Variants in CORIN observed in about 807,000 individuals in gnomAD.
The protein encoded by CORIN is corin, serine peptidase, also known as atrial natriuretic peptide-converting enzyme.
Under a neutral mutation model 125.3 loss-of-function variants are expected in CORIN, and 117 were observed. The ratio of observed to expected loss-of-function variants is 0.93; its 90% CI spans 0.80 to 1.09. The LOEUF is 1.09. CORIN is among the 50% of genes least tolerant of loss of function. CORIN has a pLI of 0.00. For synonymous variants in CORIN, 450 were observed against 466.4 expected (o/e 0.96, Z 0.45); for missense variants, 1,253 against 1,306.7 (o/e 0.96, Z 0.63).
In CORIN at chr4:47,642,824, G is replaced by T. The variant is rs61759688; in HGVS notation, c.2068+322C>A. ...AGCAGGTAGAGGTGACAAAAGAATG[G>T]CAGACTATCATTAAATTTATTGAAG... On this transcript the variant is annotated intron_variant, in intron 15 of 21. Transcript: ENST00000273857. The T allele has an allele frequency of 5.6e-3, 8,072 of 1,447,834 alleles. 46 individuals are homozygous for T. The highest frequency in any genetic ancestry group is 9.7e-3 in the Admixed American group (354 of 36,594). 89.7% of individuals were successfully genotyped at this position (1,447,834 alleles called of 1,614,324 possible).
chr4:47,819,529 G>A (rs1380308962), intron 1 of CORIN, among the ~76,000 whole-genome samples: 1 of 152,106 alleles, frequency 6.6e-6, no homozygotes, highest in Non-Finnish European at 1.5e-5. Flanking sequence ...GAGTAATAAA[G>A]GCTAATATGA....
chr4:47,653,679 C>G lies in CORIN; in HGVS notation c.1736-19G>C. ...GAGCATTCTATTAAAAACAATATTA[C>G]TGTTAAAGGGCTGAAAACCCAGAAA... On this transcript the variant is annotated intron_variant, in intron 12 of 21. Coordinates refer to ENST00000273857, the MANE Select transcript of CORIN (RefSeq NM_006587.4). 6.3e-7 allele frequency: 1 copy of G among 1,593,742 alleles called. No individual in the cohort carries two copies. Among genetic ancestry groups the G allele is most frequent in the Non-Finnish European group, 8.6e-7 (1 of 1,162,346 alleles).
intron 3 of CORIN, among the ~76,000 whole-genome samples, chr4:47,780,707 A>C (rs914781615): frequency 2.6e-5 from 4 of 152,142 alleles, no homozygotes; most frequent in Non-Finnish European, 4.4e-5. Context: ...GTCTGATATA[A>C]CTATTTTGGA....
intron 16 of CORIN, among the ~76,000 whole-genome samples, chr4:47,641,062 C>T (rs1481297209): frequency 1.1e-4 from 17 of 152,086 alleles, no homozygotes; most frequent in Admixed American, 3.3e-4. Context: ...GAAATGGACT[C>T]AAGATGGTGG....
intron 5 of CORIN, among the ~76,000 whole-genome samples, chr4:47,705,824 C>T (rs1046273587): frequency 6.6e-6 from 1 of 151,180 alleles, no homozygotes; most frequent in African/African-American, 2.5e-5. Context: ...GCACACGGCC[C>T]GTAAAATATT....
At chr4:47,616,367 C>G (rs1359190818) in intron 19 of CORIN, among the ~76,000 whole-genome samples, 1 of 151,390 alleles carries the variant, frequency 6.6e-6, no homozygotes, top group Non-Finnish European at 1.5e-5. Context: ...GTATATAAAC[C>G]ATGTGATGAG....
chr4:47,674,569 T>C, intron 9 of CORIN, 69 bp from the exon 10 acceptor site: 1 of 935,138 alleles, frequency 1.1e-6, no homozygotes, highest in East Asian at 2.4e-5. Flanking sequence ...ATCTAAAAGA[T>C]CAGGAATGTC....
chr4:47,681,302 T>TGGGCAGGAACCAGAA (rs1198544903), intron 7 of CORIN: 3 of 152,238 alleles, frequency 2.0e-5, no homozygotes, highest in African/African-American at 7.2e-5. Flanking sequence ...AAGAAGTGCT[T>TGGGCAGGAACCAGAA]GGGCAGGAAC....
chr4:47,806,888 A>G lies in CORIN; in HGVS notation c.208+15T>C. 1 of 1,601,708 alleles carries G rather than the reference A, an allele frequency of 6.2e-7. No individual in the cohort carries two copies. The highest frequency in any genetic ancestry group is 1.1e-5 in the South Asian group (1 of 88,690). The stretch of plus-strand genomic sequence containing the variant: ...CACTTTAACTTCATTTTTATTTAAT[A>G]ATGGCCTCACCCACCAACATAGGAA... On this transcript the variant is annotated intron_variant, in intron 2 of 21. Coordinates refer to ENST00000273857, the MANE Select transcript of CORIN (RefSeq NM_006587.4).
At chr4:47,604,841 TAGTC>T (rs1313546505) in intron 19 of CORIN, among the ~76,000 whole-genome samples, 3 of 152,218 alleles carry the variant, frequency 2.0e-5, no homozygotes, top group African/African-American at 4.8e-5. Flanking sequence ...TCCTCTATAT[TAGTC>T]AGAGCAATAT....
rs552179293 is a variant in CORIN, at chr4:47,781,514, G to A, written c.409+5211C>T. ...TGTAAATGTTCTGAGCACATTTAAGGTGAAGGCTAAGCTAAGCTACAATGT... is the reference window on the plus strand; with the variant it reads ...TGTAAATGTTCTGAGCACATTTAAGATGAAGGCTAAGCTAAGCTACAATGT... On this transcript the variant is annotated intron_variant, in intron 3 of 21. Coordinates refer to ENST00000273857, the MANE Select transcript of CORIN (RefSeq NM_006587.4). Among the ~76,000 whole-genome samples, 4 of 152,270 alleles carry A rather than the reference G, an allele frequency of 2.6e-5. No individual in the cohort carries two copies. In the East Asian group the frequency reaches 7.7e-4, roughly 29 times the overall value.
intron 3 of CORIN, among the ~76,000 whole-genome samples, chr4:47,784,146 T>C (rs1730677927): frequency 6.6e-6 from 1 of 152,146 alleles, no homozygotes; most frequent in Admixed American, 6.5e-5. Context: ...CAGTTAATTA[T>C]AAGGATCACA....
chr4:47,723,788 A>G (rs1205252650), intron 5 of CORIN, among the ~76,000 whole-genome samples: 1 of 151,998 alleles, frequency 6.6e-6, no homozygotes, highest in Admixed American at 6.5e-5. Context: ...CAAGGTCAGG[A>G]AATCGAGACC....
chr4:47,665,378 A>C, intron 10 of CORIN, 115 bp from the exon 11 acceptor site: 1 of 709,448 alleles, frequency 1.4e-6, no homozygotes, highest in Non-Finnish European at 2.3e-6. Flanking sequence ...CTAAGACTAG[A>C]ATGCCAGTAG....
At chr4:47,642,539 C>T (rs917713947) in intron 15 of CORIN, among the ~76,000 whole-genome samples, 5 of 152,204 alleles carry the variant, frequency 3.3e-5, no homozygotes, top group East Asian at 3.8e-4. Context: ...ACTTAGGAAA[C>T]GCTGCACAAT....
At chr4:47,601,320 CT>C (rs34035998) in intron 20 of CORIN, among the ~76,000 whole-genome samples, 60,056 of 145,532 alleles carry the variant, frequency 0.41, 12,590 homozygotes, top group Non-Finnish European at 0.48. Context: ...TTCAGCAGAT[CT>C]TTTTTTTTTT....
chr4:47,707,294 A>G (rs1417102431), intron 5 of CORIN, among the ~76,000 whole-genome samples: 1 of 152,342 alleles, frequency 6.6e-6, no homozygotes, highest in East Asian at 1.9e-4. Context: ...AAAACTACCA[A>G]CTTTTCTCAG....
In CORIN at chr4:47,744,382, A is replaced by G. The variant is rs762337398; in HGVS notation, c.799+20T>C. ...CTCAAATAAAATCTTCTAAAAATGA[A>G]ATGAAACACAGACACCTACATTGCT... On this transcript the variant is annotated intron_variant, in intron 5 of 21. Coordinates refer to ENST00000273857, the MANE Select transcript of CORIN (RefSeq NM_006587.4). 1 of 1,604,826 alleles carries G rather than the reference A, an allele frequency of 6.2e-7. No homozygotes were observed. The highest frequency in any genetic ancestry group is 8.5e-7 in the Non-Finnish European group (1 of 1,174,732).
At chr4:47,641,248 C>T (rs1051729762) in intron 16 of CORIN, among the ~76,000 whole-genome samples, 1 of 152,172 alleles carries the variant, frequency 6.6e-6, no homozygotes, top group Admixed American at 6.5e-5. Context: ...CCTTTGTCTT[C>T]AATTTCTCTA....
Sources: gnomAD v4.1 joint callset for allele counts (sites outside exome capture counted in the v4.1 genomes callset) on GRCh38, gnomAD v4.1.1 for gene constraint, MANE v1.5 for transcripts, NCBI Gene and HGNC (gene_info 2026-07-23, HGNC 2026-07-21) for gene names.